Variants in SFXN5 observed in about 807,000 individuals in gnomAD.
The protein encoded by SFXN5 is sideroflexin-5.
Under a neutral mutation model 50.2 loss-of-function variants are expected in SFXN5, and 43 were observed. The observed-to-expected ratio is 0.86, with a 90% CI of 0.67 to 1.11. The LOEUF is 1.11. Ranked by LOEUF, SFXN5 falls within the 50% of genes least tolerant of loss-of-function variation. SFXN5 has a pLI of 0.00. For synonymous variants in SFXN5, 203 were observed against 185.8 expected (o/e 1.09, Z -0.75); for missense variants, 463 against 454.1 (o/e 1.02, Z -0.18).
At chr2:73,022,321 G>A (rs1472449005) in intron 5 of SFXN5, among the ~76,000 whole-genome samples, 1 of 152,204 alleles carries the variant, frequency 6.6e-6, no homozygotes, top group East Asian at 1.9e-4. Flanking sequence ...GGCAGAAAAG[G>A]CAGGTAAGCT....
At chr2:72,985,320 C>G (rs1234888388) in intron 10 of SFXN5, among the ~76,000 whole-genome samples, 1 of 152,072 alleles carries the variant, frequency 6.6e-6, no homozygotes, top group African/African-American at 2.4e-5. Context: ...AGGACCTAGG[C>G]CCTGCCAGCA....
At chr2:72,949,222 A>G (rs763763847) in intron 13 of SFXN5, among the ~76,000 whole-genome samples, 38 of 152,200 alleles carry the variant, frequency 2.5e-4, no homozygotes, top group Non-Finnish European at 4.0e-4. Flanking sequence ...TGGCTGGGAC[A>G]GGCAGAATCT....
chr2:72,996,517 T>TG (rs1310223524), intron 9 of SFXN5: 1 of 152,390 alleles, frequency 6.6e-6, no homozygotes, highest in Non-Finnish European at 1.4e-5. Flanking sequence ...GTTTTTTTTT[T>TG]TTTTTTTTTG....
At position 73,071,634 on chromosome 2, in the gene SFXN5, AG is replaced by A; in HGVS notation, c.71del (p.Pro24LeufsTer97). On this transcript the variant is annotated frameshift_variant, in exon 1 of 14. Transcript: ENST00000272433. LOFTEE classifies it high-confidence loss of function. ...GGAAGCGGGGTTTGCCCAGTTGGAA[AG>A]GAGGTGCATCGCTCGAGGCGCTAGC... ...SAASASSDAPPFQLGKPRFQQ... is the reference protein window; with the variant it reads ...SAASASSDAPXFQLGKPRFQQ... 1 of 1,613,814 alleles carries A rather than the reference AG, an allele frequency of 6.2e-7. No homozygotes were observed. Among genetic ancestry groups the A allele is most frequent in the Admixed American group, 1.7e-5 (1 of 60,016 alleles).
In SFXN5 at chr2:73,008,960, C is replaced by T. The variant is rs530084673; in HGVS notation, c.358-7382G>A. On this transcript the variant is annotated intron_variant, in intron 6 of 13. Transcript: ENST00000272433. ...GAGCAGGGTAGGGCGAGGTGACTCC[C>T]GGGCAAAGTGGAAACAGCGTAGGGG... Among the ~76,000 whole-genome samples, 20 of 152,190 alleles carry T rather than the reference C, an allele frequency of 1.3e-4. No homozygotes were observed. In the East Asian group the frequency reaches 3.9e-3, roughly 29 times the overall value.
intron 6 of SFXN5, among the ~76,000 whole-genome samples, chr2:73,009,182 C>T (rs1050421551): frequency 2.6e-5 from 4 of 152,190 alleles, no homozygotes; most frequent in African/African-American, 9.6e-5. Flanking sequence ...TATTTTCTTA[C>T]CCACTCCATC....
chr2:72,989,406 C>G (rs1364389575), intron 9 of SFXN5, among the ~76,000 whole-genome samples: 2 of 152,150 alleles, frequency 1.3e-5, no homozygotes, highest in African/African-American at 4.8e-5. Context: ...GATAGTAATA[C>G]CTACAACACC....
intron 1 of SFXN5, among the ~76,000 whole-genome samples, chr2:73,063,292 A>G (rs908308361): frequency 6.6e-6 from 1 of 152,192 alleles, no homozygotes; most frequent in Non-Finnish European, 1.5e-5. Flanking sequence ...CACCCACTAT[A>G]GAGACAAACC....
chr2:72,962,579 T>C (rs771507275), intron 12 of SFXN5, among the ~76,000 whole-genome samples: 76 of 152,326 alleles, frequency 5.0e-4, no homozygotes, highest in Middle Eastern at 6.8e-3. Flanking sequence ...GAGTCTAAAA[T>C]GGTGATCCCA....
intron 10 of SFXN5, among the ~76,000 whole-genome samples, chr2:72,972,960 A>G (rs1165137224): frequency 6.6e-6 from 1 of 151,624 alleles, no homozygotes; most frequent in Non-Finnish European, 1.5e-5. Flanking sequence ...GGCGGGGCCT[A>G]GTGGGCAGGC....
At chr2:73,004,595 C>G (rs1177870839) in intron 6 of SFXN5, among the ~76,000 whole-genome samples, 2 of 152,074 alleles carry the variant, frequency 1.3e-5, no homozygotes, top group African/African-American at 4.8e-5. Flanking sequence ...ACAGCCGAGA[C>G]AGCAGAGAGA....
intron 10 of SFXN5, 26 bp from the exon 11 acceptor site, chr2:72,971,711 C>T (rs758094591): frequency 6.4e-7 from 1 of 1,572,210 alleles, no homozygotes; most frequent in East Asian, 2.2e-5. Context: ...ATGCAGAGAG[C>T]AGGATGAGGA....
chr2:73,015,362 A>G (rs1168121270), intron 6 of SFXN5, among the ~76,000 whole-genome samples: 1 of 152,080 alleles, frequency 6.6e-6, no homozygotes, highest in Non-Finnish European at 1.5e-5. Context: ...TTATTTCATA[A>G]TTTTTACATG....
intron 13 of SFXN5, among the ~76,000 whole-genome samples, chr2:72,951,388 A>G (rs377227663): frequency 2.6e-4 from 40 of 152,304 alleles, no homozygotes; most frequent in African/African-American, 9.1e-4. Flanking sequence ...AGGCCCAGCT[A>G]GAATAGCCAA....
intron 12 of SFXN5, among the ~76,000 whole-genome samples, chr2:72,962,351 G>A (rs772571028): frequency 1.3e-5 from 2 of 152,268 alleles, no homozygotes; most frequent in African/African-American, 4.8e-5. Flanking sequence ...CCAATGTGGC[G>A]GGCAGTAAAC....
chr2:73,009,149 T>C (rs1196080624), intron 6 of SFXN5, among the ~76,000 whole-genome samples: 1 of 152,226 alleles, frequency 6.6e-6, no homozygotes, highest in African/African-American at 2.4e-5. Context: ...TGGTAAGCAT[T>C]TTTAGTGGCT....
At chr2:73,036,169 G>T (rs918613161) in intron 3 of SFXN5, among the ~76,000 whole-genome samples, 3 of 152,214 alleles carry the variant, frequency 2.0e-5, no homozygotes, top group Non-Finnish European at 4.4e-5. Context: ...GGCCAGCCTG[G>T]GCCAGGAACA....
At chr2:73,039,757 C>G (rs181371816) in intron 3 of SFXN5, among the ~76,000 whole-genome samples, 24 of 150,910 alleles carry the variant, frequency 1.6e-4, no homozygotes, top group Non-Finnish European at 2.8e-4. Flanking sequence ...GGAACATATA[C>G]TATTTTTCCT....
chr2:73,005,327 G>C (rs1393231822), intron 6 of SFXN5, among the ~76,000 whole-genome samples: 2 of 152,200 alleles, frequency 1.3e-5, no homozygotes, highest in African/African-American at 4.8e-5. Flanking sequence ...CTGTACCTTT[G>C]CTGCTCCCCT....
Sources: allele counts gnomAD v4.1 joint callset (sites outside exome capture counted in the v4.1 genomes callset), GRCh38; gene constraint gnomAD v4.1.1; transcripts MANE v1.5; gene names NCBI Gene and HGNC (gene_info 2026-07-23, HGNC 2026-07-21).